Variants in DNASE1L2 observed in about 807,000 individuals in gnomAD.
The protein encoded by DNASE1L2 is deoxyribonuclease-1-like 2.
DNASE1L2 carries 35 observed loss-of-function variants against 31.8 expected under a neutral mutation model. The observed-to-expected ratio is 1.10, with a 90% confidence interval of 0.84 to 1.46. The LOEUF is 1.46. Ranked by LOEUF, DNASE1L2 falls within the 40% of genes most tolerant of loss-of-function variation. The pLI, the probability that DNASE1L2 is intolerant of heterozygous loss-of-function variation, is 0.00. For missense variants in DNASE1L2, 504 were observed against 418.8 expected, an observed-to-expected ratio of 1.20 and a Z score of -1.77; for synonymous variants, 211 against 186.5, an observed-to-expected ratio of 1.13 and a Z score of -1.07.
Position 2,236,522 on chromosome 16 carries a change from AG to A in DNASE1L2, c.-76del. ...CTGGACCCGGGATCCCCATCCCCCT[AG>A]GATCTCTGAGCCTCGGGCCTCTGCA... On this transcript the variant is annotated 5_prime_UTR_variant, in exon 1 of 7. Transcript: ENST00000320700. 1 of 1,203,992 alleles carries A rather than the reference AG, an allele frequency of 8.3e-7. No homozygotes were observed. The highest frequency in any genetic ancestry group is 3.6e-5 in the East Asian group (1 of 27,682). The allele number at this position is 1,203,992 out of a possible 1,614,324, so 74.6% of individuals were successfully genotyped here.
chr16:2,238,013 A>C lies in DNASE1L2; in HGVS notation c.838A>C (p.Thr280Pro). ...DFQEEFGLDQ[T>P]QALAISDHFP... Reference sequence around the variant, plus strand: ...CCAGGAGGAATTCGGCCTGGACCAGACTCAGGCGAGTGGGCCGTGGGGCGG... The same window carrying C: ...CCAGGAGGAATTCGGCCTGGACCAGCCTCAGGCGAGTGGGCCGTGGGGCGG... The change falls in exon 6 of 7, where the codon ACT (threonine) becomes CCT (proline). Residue 280 changes from threonine to proline, a missense_variant. Thr to Pro is a conservative substitution (Grantham distance 38, BLOSUM62 -1). Coordinates refer to ENST00000320700, the MANE Select transcript of DNASE1L2 (RefSeq NM_001374.3). 1 of 1,596,708 alleles carries C rather than the reference A, an allele frequency of 6.3e-7. No homozygotes were observed. The highest frequency in any genetic ancestry group is 8.5e-7 in the Non-Finnish European group (1 of 1,173,078).
chr16:2,237,795 C>T lies in DNASE1L2; in HGVS notation c.620C>T (p.Ala207Val), dbSNP rs753933779. ...ATGCTGTTCCTGGGCGACTTCAACG[C>T]CGACTGCAGCTATGTGCGGGCGCAG... is the stretch of plus-strand genomic sequence containing the variant. ...DDMLFLGDFN[A>V]DCSYVRAQDW... The change falls in exon 6 of 7, where the codon GCC becomes GTC. Residue 207 changes from alanine to valine, a missense_variant. Transcript: ENST00000320700. The T allele has an allele frequency of 6.2e-7, 1 of 1,609,410 alleles. No individual in the cohort carries two copies. Among genetic ancestry groups the T allele is most frequent in the South Asian group, 1.1e-5 (1 of 90,648 alleles).
At position 2,238,036 on chromosome 16, in the gene DNASE1L2, C is replaced by CGGTGCT. The variant is rs1454739617; in HGVS notation, c.843+22_843+27dup. The CGGTGCT allele has an allele frequency of 6.3e-7, 1 of 1,578,600 alleles. No individual in the cohort carries two copies. The highest frequency in any genetic ancestry group is 1.8e-5 in the Admixed American group (1 of 56,184). On this transcript the variant is annotated intron_variant, in intron 6 of 6. Coordinates refer to ENST00000320700, the MANE Select transcript of DNASE1L2 (RefSeq NM_001374.3). Reference sequence around the variant, plus strand: ...AGACTCAGGCGAGTGGGCCGTGGGGCGGTGCTGGTCTTGGGTCCCCACCGC... The same window carrying CGGTGCT: ...AGACTCAGGCGAGTGGGCCGTGGGGCGGTGCTGGTGCTGGTCTTGGGTCCCCACCGC...
chr16:2,238,233 C>A, intron 6 of DNASE1L2, 129 bp from the exon 7 acceptor site: 1 of 1,456,602 alleles, frequency 6.9e-7, no homozygotes, highest in South Asian at 1.2e-5. Context: ...GTGGTGACAC[C>A]CTCTGCCCCG....
chr16:2,237,336 C>T, intron 4 of DNASE1L2, 35 bp downstream of exon 4: 2 of 1,594,302 alleles, frequency 1.3e-6, no homozygotes, highest in Non-Finnish European at 1.7e-6. Context: ...GCGCGCGGGG[C>T]CGCAGGTCGG....
chr16:2,237,891 C>A lies in DNASE1L2; in HGVS notation c.716C>A (p.Thr239Lys). Reference sequence around the variant, plus strand: ...CTCATCCCTGACAGCGCCGACACCACGGTGGGCAACTCAGACTGCGCCTAC... The same window carrying A: ...CTCATCCCTGACAGCGCCGACACCAAGGTGGGCAACTCAGACTGCGCCTAC... Reference protein sequence around the residue: ...KWLIPDSADTTVGNSDCAYDR... With the variant: ...KWLIPDSADTKVGNSDCAYDR... The change falls in exon 6 of 7, where the codon ACG (threonine) becomes AAG (lysine). Residue 239 changes from threonine to lysine, a missense_variant. Coordinates refer to ENST00000320700, the MANE Select transcript of DNASE1L2 (RefSeq NM_001374.3). 6.2e-7 allele frequency: 1 copy of A among 1,612,512 alleles called. No homozygotes were observed.
Position 2,236,972 on chromosome 16 carries a change from G to T in DNASE1L2, c.144+12G>T, listed in dbSNP as rs1232027476. On this transcript the variant is annotated intron_variant, in intron 2 of 6. Transcript: ENST00000320700. ...GCATCATCGCGAAGGTGGGGCCCGG[G>T]CCGGGGCGGGGCGGCGTTTAGGGGT... The T allele has an allele frequency of 1.9e-6, 3 of 1,550,956 alleles. No homozygotes were observed. The highest frequency in any genetic ancestry group is 2.7e-5 in the African/African-American group (2 of 73,288).
In DNASE1L2 at chr16:2,237,826, G is replaced by T; in HGVS notation, c.651G>T (p.Trp217Cys). The stretch of plus-strand genomic sequence containing the variant: ...GCAGCTATGTGCGGGCGCAGGACTG[G>T]GCCGCCATCCGTCTGAGGAGCAGTG... The part of the protein sequence containing the change: ...ADCSYVRAQD[W>C]AAIRLRSSEV... Residue 217 changes from tryptophan to cysteine, a missense_variant, in exon 6 of 7, where the codon TGG becomes TGT. Trp to Cys is a radical substitution (Grantham distance 215). Transcript: ENST00000320700. The T allele has an allele frequency of 6.2e-7, 1 of 1,611,866 alleles. No homozygotes were observed.
chr16:2,237,809 G>C lies in DNASE1L2; in HGVS notation c.634G>C (p.Val212Leu), dbSNP rs1157409063. ...CGACTTCAACGCCGACTGCAGCTAT[G>C]TGCGGGCGCAGGACTGGGCCGCCAT... ...LGDFNADCSY[V>L]RAQDWAAIRL... is the part of the protein sequence containing the mutation. The change falls in exon 6 of 7, where the codon GTG becomes CTG. Residue 212 changes from valine to leucine, a missense_variant. Physicochemically the swap from Val to Leu is conservative, Grantham distance 32. Coordinates refer to ENST00000320700, the MANE Select transcript of DNASE1L2 (RefSeq NM_001374.3). 6.2e-7 allele frequency: 1 copy of C among 1,610,688 alleles called. No homozygotes were observed.
chr16:2,236,813 C>T lies in DNASE1L2; in HGVS notation c.-4C>T, dbSNP rs367638880. The T allele has an allele frequency of 5.7e-5, 91 of 1,593,764 alleles. No individual in the cohort carries two copies. Among genetic ancestry groups the T allele is most frequent in the South Asian group, 8.9e-5 (8 of 89,426 alleles). On this transcript the variant is annotated 5_prime_UTR_variant, in exon 2 of 7. Transcript: ENST00000320700. Reference sequence around the variant, plus strand: ...CTGTCCCTCCCAGCCTCTCGCTCCGCGCCATGGGCGGGCCCCGGGCTCTGC... The same window carrying T: ...CTGTCCCTCCCAGCCTCTCGCTCCGTGCCATGGGCGGGCCCCGGGCTCTGC...
At position 2,236,762 on chromosome 16, in the gene DNASE1L2, C is replaced by G. The variant is rs1396027154; in HGVS notation, c.-39-16C>G. 3 of 1,517,384 alleles carry G rather than the reference C, an allele frequency of 2.0e-6. No homozygotes were observed. The highest frequency in any genetic ancestry group is 2.6e-6 in the Non-Finnish European group (3 of 1,138,886). The allele number at this position is 1,517,384 out of a possible 1,614,324, so 94.0% of individuals were successfully genotyped here. On this transcript the variant is annotated splice_polypyrimidine_tract_variant and intron_variant, in intron 1 of 6. Transcript: ENST00000320700. ...GGAAGGGGTGGGTCGGTGGGTCTGA[C>G]AGCGGGTCTGCGTAGGCGGCAGCGT... is the stretch of plus-strand genomic sequence containing the variant.
At position 2,237,846 on chromosome 16, in the gene DNASE1L2, G is replaced by A. The variant is rs559779790; in HGVS notation, c.671G>A (p.Ser224Asn). Reference sequence around the variant, plus strand: ...GACTGGGCCGCCATCCGTCTGAGGAGCAGTGAGGTCTTCAAGTGGCTCATC... The same window carrying A: ...GACTGGGCCGCCATCCGTCTGAGGAACAGTGAGGTCTTCAAGTGGCTCATC... ...AQDWAAIRLR[S>N]SEVFKWLIPD... The change falls in exon 6 of 7, where the codon AGC becomes AAC. Residue 224 changes from serine (S) to asparagine (N), a missense_variant. Physicochemically the swap from Ser to Asn is conservative, Grantham distance 46 (BLOSUM62 1). Coordinates refer to ENST00000320700, the MANE Select transcript of DNASE1L2 (RefSeq NM_001374.3). 6.5e-5 allele frequency: 105 copies of A among 1,612,662 alleles called. No homozygotes were observed. The East Asian group carries it at 2.1e-3, about 32-fold the overall frequency.
At position 2,236,933 on chromosome 16, in the gene DNASE1L2, C is replaced by T. The variant is rs1345223151; in HGVS notation, c.117C>T (p.Asp39=). The T allele has an allele frequency of 7.0e-6, 11 of 1,574,392 alleles. No homozygotes were observed. In the Admixed American group the frequency reaches 7.4e-5, roughly 11 times the overall value. The part of the protein sequence containing the change: ...IQSFGDSKVS[D]PACGSIIAKI... ...GCTTCGGTGACAGCAAAGTGTCGGA[C>T]CCCGCTTGCGGCAGCATCATCGCGA... Residue 39 remains aspartate, a synonymous_variant, in exon 2 of 7, where the codon GAC becomes GAT. Transcript: ENST00000320700.
chr16:2,237,039 T>TGG lies in DNASE1L2; in HGVS notation c.146_147insGG (p.Ile49MetfsTer40), dbSNP rs754487423. 7.7e-6 allele frequency: 12 copies of TGG among 1,549,084 alleles called. No individual in the cohort carries two copies. In the African/African-American group the frequency reaches 1.6e-4, roughly 21 times the overall value. On this transcript the variant is annotated frameshift_variant and splice_region_variant, in exon 3 of 7. Coordinates refer to ENST00000320700, the MANE Select transcript of DNASE1L2 (RefSeq NM_001374.3). LOFTEE classifies it high-confidence loss of function. Reference sequence around the variant, plus strand: ...CCCGCACCCGCCGCTCCTCCCCAGATCCTGGCTGGCTATGACCTCGCGCTG... The same window carrying TGG: ...CCCGCACCCGCCGCTCCTCCCCAGATGGCCTGGCTGGCTATGACCTCGCGCTG...
At position 2,238,598 on chromosome 16, in the gene DNASE1L2, G is replaced by A; in HGVS notation, c.*180G>A. 2.7e-6 allele frequency: 2 copies of A among 733,874 alleles called. No homozygotes were observed. The highest frequency in any genetic ancestry group is 4.6e-6 in the Non-Finnish European group (2 of 438,186). 45.5% of individuals were successfully genotyped at this position (733,874 alleles called of 1,614,324 possible). ...CTGTACCTCCGTTCCCCATCTGTGG[G>A]ACGGGCTGCATCCAGCGACCTCATG... On this transcript the variant is annotated 3_prime_UTR_variant, in exon 7 of 7. Coordinates refer to ENST00000320700, the MANE Select transcript of DNASE1L2 (RefSeq NM_001374.3).
At chr16:2,237,159 C>T (rs978541007) in intron 3 of DNASE1L2, 33 bp downstream of exon 3, 1 of 1,548,462 alleles carries the variant, frequency 6.5e-7, no homozygotes, top group Non-Finnish European at 8.7e-7. Flanking sequence ...TCGCGACCCC[C>T]CGCCGGGATC....
In DNASE1L2 at chr16:2,236,870, G is replaced by T. The variant is rs770641064; in HGVS notation, c.54G>T (p.Gly18=). The T allele has an allele frequency of 6.3e-7, 1 of 1,598,202 alleles. No individual in the cohort carries two copies. The highest frequency in any genetic ancestry group is 8.5e-7 in the Non-Finnish European group (1 of 1,173,418). Residue 18 remains glycine, a synonymous_variant, in exon 2 of 7, where the codon GGG becomes GGT. Coordinates refer to ENST00000320700, the MANE Select transcript of DNASE1L2 (RefSeq NM_001374.3). ...LAALWALEAA[G]TAALRIGAFN... ...CACTCTGGGCGCTGGAAGCCGCCGG[G>T]ACCGCCGCGCTTCGCATCGGAGCCT...
rs777097974 is a variant in DNASE1L2 at position 2,237,319 on chromosome 16, G to A, written c.317+18G>A. 2.5e-6 allele frequency: 4 copies of A among 1,591,202 alleles called. No individual in the cohort carries two copies. The East Asian group carries it at 6.8e-5, about 27-fold the overall frequency. ...GTGTACAGGTGAGGGGCGGGCCGCA[G>A]GGAGGGGCGCGCGGGGCCGCAGGTC... On this transcript the variant is annotated intron_variant, in intron 4 of 6. Transcript: ENST00000320700.
At chr16:2,237,157 C>A in intron 3 of DNASE1L2, 31 bp downstream of exon 3, 1 of 1,548,398 alleles carries the variant, frequency 6.5e-7, no homozygotes, top group Non-Finnish European at 8.7e-7. Context: ...CGTCGCGACC[C>A]CCCGCCGGGA....
Sources: allele counts gnomAD v4.1 joint callset, GRCh38; gene constraint gnomAD v4.1.1; transcripts MANE v1.5; gene names NCBI Gene and HGNC (gene_info 2026-07-23, HGNC 2026-07-21).